Variants in NPTN observed in about 807,000 individuals in gnomAD.
NPTN encodes the protein neuroplastin.
NPTN carries 5 observed loss-of-function variants against 42.7 expected under a neutral mutation model. The observed-to-expected ratio is 0.12, with a 90% CI of 0.06 to 0.25. The LOEUF (loss-of-function observed/expected upper bound fraction) is 0.25, where lower values mean the gene tolerates loss of function less well. Among genes scored for constraint, NPTN ranks in the 10% least tolerant of loss-of-function variants. The pLI is 1.00. For missense variants in NPTN, 307 were observed against 525.4 expected (o/e 0.58, Z 4.06); for synonymous variants, 180 against 201.9 (o/e 0.89, Z 0.92).
chr15:73,571,056 G>T (rs1331525365), intron 5 of NPTN, among the ~76,000 whole-genome samples: 1 of 152,318 alleles, frequency 6.6e-6, no homozygotes, highest in African/African-American at 2.4e-5. Flanking sequence ...TAAGGTGGGA[G>T]GATCGCTTGA....
chr15:73,624,229 T>A (rs1898283729), intron 1 of NPTN, among the ~76,000 whole-genome samples: 1 of 152,254 alleles, frequency 6.6e-6, no homozygotes, highest in Non-Finnish European at 1.5e-5. Flanking sequence ...ATACTTTTGA[T>A]ACGTGATCAC....
At chr15:73,601,354 G>C (rs572889320) in intron 1 of NPTN, among the ~76,000 whole-genome samples, 1 of 152,238 alleles carries the variant, frequency 6.6e-6, no homozygotes, top group African/African-American at 2.4e-5. Context: ...AAGAAAAAGA[G>C]AAAAGAGAAA....
chr15:73,566,524 A>G lies in NPTN; in HGVS notation c.1115-3267T>C, dbSNP rs116036198. Among the ~76,000 whole-genome samples the G allele has an allele frequency of 7.6e-3, 1,153 of 152,310 alleles. 22 individuals carry two copies. Among genetic ancestry groups the G allele is most frequent in the African/African-American group, 0.026 (1,086 of 41,570 alleles). On this transcript the variant is annotated intron_variant, in intron 6 of 8. Coordinates refer to ENST00000345330, the MANE Select transcript of NPTN (RefSeq NM_012428.4). ...GTTTTAATTTGCTGTCTGTGAGGTC[A>G]CTAAAATATCCAGAAGAACTGCAGG...
chr15:73,580,539 T>A (rs868055640), intron 4 of NPTN, among the ~76,000 whole-genome samples: 15 of 140,622 alleles, frequency 1.1e-4, no homozygotes, highest in Admixed American at 3.0e-4. Context: ...ATGTATATAT[T>A]TGTTATATAT....
chr15:73,597,374 A>AG lies in NPTN; in HGVS notation c.92-6dup. 1 of 1,605,710 alleles carries AG rather than the reference A, an allele frequency of 6.2e-7. No homozygotes were observed. Among genetic ancestry groups the AG allele is most frequent in the Non-Finnish European group, 8.5e-7 (1 of 1,173,392 alleles). On this transcript the variant is annotated splice_region_variant and splice_polypyrimidine_tract_variant and intron_variant, in intron 1 of 8. Transcript: ENST00000345330. The surrounding 1 kb of genome is among the most constrained non-coding windows in gnomAD (Gnocchi z 6.3). Reference sequence around the variant, plus strand: ...TGGGCGACTTGACAAACCCAGCTAGAGGGAGGGGGAGCAGGAATGCAGTGA... The same window carrying AG: ...TGGGCGACTTGACAAACCCAGCTAGAGGGGAGGGGGAGCAGGAATGCAGTGA...
At position 73,573,794 on chromosome 15, in the gene NPTN, G is replaced by A. The variant is rs758009429; in HGVS notation, c.708C>T (p.Ala236=). 108 of 1,603,550 alleles carry A rather than the reference G, an allele frequency of 6.7e-5. No individual in the cohort carries two copies. Among genetic ancestry groups the A allele is most frequent in the Middle Eastern group, 1.7e-4 (1 of 6,008 alleles). Residue 236 remains alanine (A), a splice_region_variant and synonymous_variant, in exon 5 of 9, where the codon GCC becomes GCT. Transcript: ENST00000345330. The part of the protein sequence containing the change: ...PKANATIEVK[A]APDITGHKRS... ...GTTTATGGCCAGTGATGTCAGGAGC[G>A]GCTGTGAGAAAGCGTTAGACGCAGT...
At chr15:73,594,480 T>C (rs1896741194) in intron 2 of NPTN, among the ~76,000 whole-genome samples, 1 of 152,220 alleles carries the variant, frequency 6.6e-6, no homozygotes, top group African/African-American at 2.4e-5. Flanking sequence ...GGTTTAAATA[T>C]GATTCTGCAC....
At chr15:73,632,168 T>A (rs1268296627) in intron 1 of NPTN, among the ~76,000 whole-genome samples, 1 of 151,400 alleles carries the variant, frequency 6.6e-6, no homozygotes, top group Admixed American at 6.6e-5. Flanking sequence ...ACATCCCAAC[T>A]CCTCCCTTCC....
At chr15:73,585,211 CAG>C (rs1439974290) in intron 4 of NPTN, among the ~76,000 whole-genome samples, 2 of 152,202 alleles carry the variant, frequency 1.3e-5, no homozygotes, top group Admixed American at 6.5e-5. Flanking sequence ...GGAAGATTCT[CAG>C]AGACTCCTTT....
chr15:73,565,791 T>A (rs1475842790), intron 6 of NPTN: 2 of 456,322 alleles, frequency 4.4e-6, no homozygotes, highest in African/African-American at 2.0e-5. Context: ...TAGCACACAC[T>A]GATTTATCTG....
chr15:73,568,035 A>G, intron 6 of NPTN: 1 of 985,450 alleles, frequency 1.0e-6, no homozygotes, highest in Non-Finnish European at 1.2e-6. Context: ...GAAGCTGTTC[A>G]GATTTGCTGG....
chr15:73,593,316 G>A lies in NPTN; in HGVS notation c.440-1179C>T, dbSNP rs896983304. ...TGCTTTGTCTTTATTATTTCCCCAG[G>A]CTTAGTTTTCTCTACTTTTGATCAA... On this transcript the variant is annotated intron_variant, in intron 2 of 8. Transcript: ENST00000345330. 1.2e-4 allele frequency among the ~76,000 whole-genome samples: 19 copies of A among 152,126 alleles called. No homozygotes were observed. The East Asian group carries it at 3.3e-3, about 26-fold the overall frequency.
rs997810575 is a variant in NPTN, at chr15:73,563,244, A to G, written c.1128T>C (p.Ala376=). Residue 376 remains alanine (A), a synonymous_variant, in exon 7 of 9, where the codon GCT becomes GCC. Coordinates refer to ENST00000345330, the MANE Select transcript of NPTN (RefSeq NM_012428.4). ...TCCAATAAAGTACTTACATTGGTCC[A>G]GCTGGTTCATCATCTACATGGTGTT... ...PDEVPDDDEP[A]GPMKTNSTNN... 1 of 1,602,908 alleles carries G rather than the reference A, an allele frequency of 6.2e-7. No homozygotes were observed. Among genetic ancestry groups the G allele is most frequent in the African/African-American group, 1.3e-5 (1 of 74,674 alleles).
rs1469605491 is a variant in NPTN, at chr15:73,624,575, CCTTT to C, written c.91+8546_91+8549del. Among the ~76,000 whole-genome samples, 3 of 152,250 alleles carry C rather than the reference CCTTT, an allele frequency of 2.0e-5. No individual in the cohort carries two copies. In the East Asian group the frequency reaches 5.8e-4, roughly 29 times the overall value. On this transcript the variant is annotated intron_variant, in intron 1 of 8. Transcript: ENST00000345330. Reference sequence around the variant, plus strand: ...GCCAACAAAGGAGGACATCTTGTTGCCTTTTTTTCCTCCAGGAAGCAGTGTCTAA... The same window carrying C: ...GCCAACAAAGGAGGACATCTTGTTGCTTTTCCTCCAGGAAGCAGTGTCTAA...
intron 1 of NPTN, among the ~76,000 whole-genome samples, chr15:73,629,646 G>A (rs772325153): frequency 2.4e-4 from 36 of 151,994 alleles, no homozygotes; most frequent in Non-Finnish European, 1.2e-4. Context: ...CCATTGAACA[G>A]TGTTAATTTT....
chr15:73,564,648 T>C (rs183923269), intron 6 of NPTN, among the ~76,000 whole-genome samples: 2 of 152,208 alleles, frequency 1.3e-5, no homozygotes, highest in African/African-American at 4.8e-5. Context: ...GTGCTGTGTA[T>C]GCAGTGGAGA....
Position 73,569,601 on chromosome 15 carries a change from A to G in NPTN, c.1114+549T>C. 1 of 985,484 alleles carries G rather than the reference A, an allele frequency of 1.0e-6. No individual in the cohort carries two copies. Among genetic ancestry groups the G allele is most frequent in the Non-Finnish European group, 1.2e-6 (1 of 829,948 alleles). 61.0% of individuals were successfully genotyped at this position (985,484 alleles called of 1,614,324 possible). On this transcript the variant is annotated intron_variant, in intron 6 of 8. Transcript: ENST00000345330. This position sits in a 1 kb window ranked among gnomAD's most constrained non-coding sequence, Gnocchi z 4.1. Reference sequence around the variant, plus strand: ...TGGAAACCTATCAAAGGGACCAACCAAGGAACCAAAAGCTGGCTTGTTCCA... The same window carrying G: ...TGGAAACCTATCAAAGGGACCAACCGAGGAACCAAAAGCTGGCTTGTTCCA...
chr15:73,566,836 A>G (rs920668684), intron 6 of NPTN, among the ~76,000 whole-genome samples: 3 of 152,208 alleles, frequency 2.0e-5, no homozygotes, highest in African/African-American at 4.8e-5. Context: ...TGTTCCTGAA[A>G]ATACTGAAGG....
chr15:73,629,375 T>C (rs1325855849), intron 1 of NPTN, among the ~76,000 whole-genome samples: 1 of 152,208 alleles, frequency 6.6e-6, no homozygotes, highest in Non-Finnish European at 1.5e-5. Flanking sequence ...ATGTGTCTTC[T>C]GTTGCTCATT....
Sources: allele counts gnomAD v4.1 joint callset (sites outside exome capture counted in the v4.1 genomes callset), GRCh38; gene constraint gnomAD v4.1.1; non-coding constraint Gnocchi (gnomAD v3.1); transcripts MANE v1.5; gene names NCBI Gene and HGNC (gene_info 2026-07-23, HGNC 2026-07-21).